The following KMT2C variants were observed in gnomAD, a reference collection of about 807,000 sequenced individuals.
KMT2C encodes lysine methyltransferase 2C.
KMT2C carries 88 observed loss-of-function variants against 507.9 expected under a neutral mutation model. That is an observed-to-expected ratio of 0.17 (90% CI 0.15 to 0.21). The LOEUF is 0.21. KMT2C is among the 10% of genes least tolerant of loss of function. KMT2C has a pLI of 1.00. For synonymous variants in KMT2C, 2,049 were observed against 2,080.8 expected, an observed-to-expected ratio of 0.98 and a Z score of 0.42; for missense variants, 4,954 against 5,957.8, an observed-to-expected ratio of 0.83 and a Z score of 5.55.
chr7:152,198,131 C>T (rs1217075593), intron 27 of KMT2C, among the ~76,000 whole-genome samples: 5 of 152,078 alleles, frequency 3.3e-5, no homozygotes, highest in Admixed American at 3.3e-4. Context: ...TTTTTAACAA[C>T]ATACTGACAA....
rs185806787 is a variant in KMT2C at position 152,143,063 on chromosome 7, A to G, written c.14343+1650T>C. 6.2e-4 allele frequency among the ~76,000 whole-genome samples: 95 copies of G among 152,336 alleles called. No individual in the cohort carries two copies. In the East Asian group the frequency reaches 0.017, roughly 27 times the overall value. ...TTAAGATACCCACTAAAATCACAGT[A>G]AAAGCACACTCCTCGAGAACACGAA... On this transcript the variant is annotated intron_variant, in intron 55 of 58. Coordinates refer to ENST00000262189, the MANE Select transcript of KMT2C (RefSeq NM_170606.3).
chr7:152,343,450 G>GAAAAAAAAAAAAAAAAAAAAAAGA (rs200886066), intron 2 of KMT2C, among the ~76,000 whole-genome samples: 3 of 72,440 alleles, frequency 4.1e-5, no homozygotes, highest in Non-Finnish European at 6.2e-5. Context: ...AAAAGACTGG[G>GAAAAAAAAAAAAAAAAAAAAAAGA]AAAAAAAAAA....
Position 152,384,186 on chromosome 7 carries a change from CCA to C in KMT2C, c.162-25513_162-25512del, listed in dbSNP as rs1303907630. On this transcript the variant is annotated intron_variant, in intron 1 of 58. Transcript: ENST00000262189. ...TCTCCTCAGTGCTGCCCCAAGAGTT[CCA>C]CAGTTTGTTCCTTACATCATTCACT... is the stretch of plus-strand genomic sequence containing the variant. Among the ~76,000 whole-genome samples the C allele has an allele frequency of 8.5e-5, 13 of 152,222 alleles. 2 individuals carry two copies. Among genetic ancestry groups the C allele is most frequent in the African/African-American group, 2.6e-4 (11 of 41,522 alleles).
At chr7:152,371,717 A>C (rs2097295033) in intron 1 of KMT2C, among the ~76,000 whole-genome samples, 1 of 151,906 alleles carries the variant, frequency 6.6e-6, no homozygotes, top group Admixed American at 6.6e-5. Flanking sequence ...AGGTTCAAGC[A>C]GTTCTCCCAC....
intron 1 of KMT2C, among the ~76,000 whole-genome samples, chr7:152,422,385 G>C (rs2097782639): frequency 6.6e-6 from 1 of 151,864 alleles, no homozygotes; most frequent in Admixed American, 6.6e-5. Flanking sequence ...AACCCAGGAG[G>C]CGGAGGTTGC....
chr7:152,175,793 C>T (rs1425520334), intron 38 of KMT2C, among the ~76,000 whole-genome samples: 1 of 152,184 alleles, frequency 6.6e-6, no homozygotes, highest in African/African-American at 2.4e-5. Context: ...GTAATCCCAG[C>T]ACTTTGGGAG....
At chr7:152,263,395 T>C (rs536484080) in intron 8 of KMT2C, among the ~76,000 whole-genome samples, 2 of 152,326 alleles carry the variant, frequency 1.3e-5, no homozygotes, top group East Asian at 1.9e-4. Flanking sequence ...GCAAGATGAA[T>C]AGCCTCTGAT....
chr7:152,389,823 A>G (rs1015239639), intron 1 of KMT2C, among the ~76,000 whole-genome samples: 1 of 152,146 alleles, frequency 6.6e-6, no homozygotes, highest in Non-Finnish European at 1.5e-5. Context: ...GTCCATATTT[A>G]AATCCTCTCC....
rs1274648170 is a variant in KMT2C, at chr7:152,177,852, G to A, written c.7601C>T (p.Pro2534Leu). The A allele has an allele frequency of 6.2e-7, 1 of 1,613,434 alleles. No homozygotes were observed. Among genetic ancestry groups the A allele is most frequent in the African/African-American group, 1.3e-5 (1 of 74,856 alleles). Reference protein sequence around the residue: ...RPLNNSQMNNPVGLPQHFSPQ... With the variant: ...RPLNNSQMNNLVGLPQHFSPQ... ...TGAAAAATGCTGAGGAAGTCCAACTGGATTATTCATTTGTGAGTTATTTAA... is the reference window on the plus strand; with the variant it reads ...TGAAAAATGCTGAGGAAGTCCAACTAGATTATTCATTTGTGAGTTATTTAA... Residue 2534 changes from proline to leucine, a missense_variant, in exon 38 of 59, where the codon CCA becomes CTA. By Grantham distance (98) the Pro-to-Leu change is moderately conservative. Coordinates refer to ENST00000262189, the MANE Select transcript of KMT2C (RefSeq NM_170606.3).
chr7:152,434,229 C>T (rs1357292080), intron 1 of KMT2C, among the ~76,000 whole-genome samples: 1 of 152,170 alleles, frequency 6.6e-6, no homozygotes, highest in Non-Finnish European at 1.5e-5. Flanking sequence ...AACTTTGTAT[C>T]ACGAACAAGC....
Position 152,348,599 on chromosome 7 carries a change from T to TAAA in KMT2C, c.250+9985_250+9987dup, listed in dbSNP as rs201530125. Among the ~76,000 whole-genome samples the TAAA allele has an allele frequency of 8.7e-3, 426 of 48,874 alleles. 2 individuals are homozygous for TAAA. Among genetic ancestry groups the TAAA allele is most frequent in the African/African-American group, 0.015 (251 of 16,538 alleles). 32.1% of individuals were successfully genotyped at this position (48,874 alleles called of 152,430 possible). ...GGGCAACAAAAGCAAAACTCTGTCT[T>TAAA]AAAAAAAAAAAAAAAAAAAAAAAAA... On this transcript the variant is annotated intron_variant, in intron 2 of 58. Coordinates refer to ENST00000262189, the MANE Select transcript of KMT2C (RefSeq NM_170606.3).
At chr7:152,165,348 A>G (rs2092680309) in intron 42 of KMT2C, among the ~76,000 whole-genome samples, 1 of 152,232 alleles carries the variant, frequency 6.6e-6, no homozygotes, top group Non-Finnish European at 1.5e-5. Context: ...TCTAAATAGG[A>G]TTTGATCTAT....
At chr7:152,270,358 A>T (rs922856118) in intron 7 of KMT2C, among the ~76,000 whole-genome samples, 42 of 152,232 alleles carry the variant, frequency 2.8e-4, no homozygotes, top group Non-Finnish European at 4.0e-4. Flanking sequence ...AAGGAATTAA[A>T]GCTAAATGAT....
intron 3 of KMT2C, among the ~76,000 whole-genome samples, chr7:152,320,611 T>TA (rs1294972132): frequency 6.6e-6 from 1 of 151,888 alleles, no homozygotes; most frequent in Non-Finnish European, 1.5e-5. Flanking sequence ...ACTGGAAGAC[T>TA]AAAAAAATTA....
intron 24 of KMT2C, among the ~76,000 whole-genome samples, chr7:152,206,765 T>C (rs749324312): frequency 3.3e-5 from 5 of 152,200 alleles, no homozygotes; most frequent in Non-Finnish European, 7.4e-5. Flanking sequence ...AAGACCGCTT[T>C]TCTCTCCACT....
chr7:152,141,106 G>GGCA (rs2090480635), intron 55 of KMT2C, among the ~76,000 whole-genome samples: 1 of 127,174 alleles, frequency 7.9e-6, no homozygotes, highest in South Asian at 2.5e-4. Flanking sequence ...TGGGCATGGT[G>GGCA]GCGTGTGCCT....
At position 152,169,084 on chromosome 7, in the gene KMT2C, C is replaced by T. The variant is rs556995034; in HGVS notation, c.9517+102G>A. ...TTAATAAGACAGGAGGGCACCTGGG[C>T]TTGAACTGGTGTACCTACACTCACT... On this transcript the variant is annotated intron_variant, in intron 41 of 58. Transcript: ENST00000262189. The T allele has an allele frequency of 1.2e-4, 84 of 701,950 alleles. No individual in the cohort carries two copies. The South Asian group carries it at 1.2e-3, about 10-fold the overall frequency. The allele number at this position is 701,950 out of a possible 1,614,324, so 43.5% of individuals were successfully genotyped here. A position where few individuals can be genotyped will look rare whatever the true frequency, so the allele number is the denominator to read the frequency against.
At chr7:152,275,170 G>A (rs1019931839) in intron 6 of KMT2C, among the ~76,000 whole-genome samples, 5 of 152,158 alleles carry the variant, frequency 3.3e-5, no homozygotes, top group Admixed American at 3.3e-4. Flanking sequence ...CTTCCTCACT[G>A]TCATCAGTCT....
At chr7:152,233,857 C>T (rs1246397478) in intron 16 of KMT2C, among the ~76,000 whole-genome samples, 2 of 152,194 alleles carry the variant, frequency 1.3e-5, no homozygotes, top group African/African-American at 4.8e-5. Flanking sequence ...TAAAAACTGT[C>T]CCACAGGCTG....
Sources: allele counts gnomAD v4.1 joint callset (sites outside exome capture counted in the v4.1 genomes callset), GRCh38; gene constraint gnomAD v4.1.1; transcripts MANE v1.5; gene names NCBI Gene and HGNC (gene_info 2026-07-23, HGNC 2026-07-21).